Variants in PGPEP1L observed in about 807,000 individuals in gnomAD.
PGPEP1L encodes the protein pyroglutamyl-peptidase I like, also known as pyroglutamyl-peptidase 1-like protein.
A neutral mutation model predicts 6.0 loss-of-function variants in PGPEP1L; 7 were observed. The observed-to-expected ratio is 1.17, with a 90% CI of 0.66 to 2.19. The LOEUF (loss-of-function observed/expected upper bound fraction) is 2.19. PGPEP1L is among the 30% of genes most tolerant of loss of function. The probability of loss-of-function intolerance (pLI) is 0.00; values close to 1 mark genes in which losing one functional copy is unlikely to be tolerated. For synonymous variants in PGPEP1L, 103 were observed against 83.9 expected (o/e 1.23, Z -1.24); for missense variants, 209 against 192.5 (o/e 1.09, Z -0.51).
At position 98,968,680 on chromosome 15, in the gene PGPEP1L, G is replaced by A. The variant is rs1335221294; in HGVS notation, c.227C>T (p.Thr76Ile). ...TCCATGATGCAGAGACAGGTAATAGGTATAATCACAGACGTATCTGCAACC... is the reference window on the plus strand; with the variant it reads ...TCCATGATGCAGAGACAGGTAATAGATATAATCACAGACGTATCTGCAACC... Reference protein sequence around the residue: ...RDAGRYVCDYTYYLSLHHGKG... With the variant: ...RDAGRYVCDYIYYLSLHHGKG... Residue 76 changes from threonine to isoleucine, a missense_variant, in exon 5 of 5, where the codon ACC (threonine) becomes ATC (isoleucine). Transcript: ENST00000535714. The A allele has an allele frequency of 1.9e-6, 3 of 1,573,558 alleles. No homozygotes were observed. The highest frequency in any genetic ancestry group is 2.3e-5 in the South Asian group (2 of 85,668).
intron 1 of PGPEP1L, among the ~76,000 whole-genome samples, chr15:99,006,451 A>G (rs2018064197): frequency 6.6e-6 from 1 of 152,244 alleles, no homozygotes; most frequent in African/African-American, 2.4e-5. Context: ...ATAACTGAAA[A>G]AGGCTAACAT....
chr15:98,979,956 CCTCA>C (rs1567236908), intron 2 of PGPEP1L, among the ~76,000 whole-genome samples: 1 of 152,070 alleles, frequency 6.6e-6, no homozygotes, highest in Non-Finnish European at 1.5e-5. Flanking sequence ...CACCATATGT[CCTCA>C]CTCATAAGTG....
At chr15:99,006,197 C>CTG (rs1373512527) in intron 1 of PGPEP1L, among the ~76,000 whole-genome samples, 5 of 152,232 alleles carry the variant, frequency 3.3e-5, no homozygotes, top group Admixed American at 3.3e-4. Flanking sequence ...GCACCGGATC[C>CTG]TGTATGGATT....
At chr15:98,984,778 T>G (rs1258615088) in intron 2 of PGPEP1L, among the ~76,000 whole-genome samples, 1 of 151,646 alleles carries the variant, frequency 6.6e-6, no homozygotes, top group Non-Finnish European at 1.5e-5. Flanking sequence ...TCCTGCAGAT[T>G]GATAGTGAAG....
In PGPEP1L at chr15:98,968,334, C is replaced by T. The variant is rs955318267; in HGVS notation, c.*144G>A. On this transcript the variant is annotated 3_prime_UTR_variant, in exon 5 of 5. Coordinates refer to ENST00000535714, the MANE Select transcript of PGPEP1L (RefSeq NM_001167902.2). ...GTTCTTTCTCCTGACAATAAAATAA[C>T]CCTTTGTGATTTTGTTGGGCTAATT... 14 of 761,348 alleles carry T rather than the reference C, an allele frequency of 1.8e-5. No individual in the cohort carries two copies. The highest frequency in any genetic ancestry group is 3.0e-5 in the Non-Finnish European group (14 of 467,412). 47.2% of individuals were successfully genotyped at this position (761,348 alleles called of 1,614,324 possible).
At chr15:99,001,260 G>C (rs1052783231) in intron 2 of PGPEP1L, 3 of 300,630 alleles carry the variant, frequency 1.0e-5, no homozygotes, top group Admixed American at 8.6e-5. Flanking sequence ...ACTACCACGT[G>C]GCTCAACCTT....
chr15:98,976,610 C>T (rs2017573374), intron 2 of PGPEP1L, among the ~76,000 whole-genome samples: 1 of 152,160 alleles, frequency 6.6e-6, no homozygotes, highest in Non-Finnish European at 1.5e-5. Flanking sequence ...ATTGCAAAAA[C>T]CCAGATCAAA....
At chr15:98,987,459 A>T (rs1438345551) in intron 2 of PGPEP1L, among the ~76,000 whole-genome samples, 1 of 150,140 alleles carries the variant, frequency 6.7e-6, no homozygotes, top group African/African-American at 2.4e-5. Flanking sequence ...CCAGGACAGA[A>T]GTAAAGCCTG....
chr15:98,978,518 A>G (rs2017602080), intron 2 of PGPEP1L, among the ~76,000 whole-genome samples: 1 of 152,030 alleles, frequency 6.6e-6, no homozygotes, highest in African/African-American at 2.4e-5. Flanking sequence ...GAGGATGGAG[A>G]TGAGAAAAGG....
rs2593059 is a variant in PGPEP1L at position 99,007,786 on chromosome 15, A to G, written c.-797T>C. ...CACAGCACAGAAGGCGACTCCAGCA[A>G]GTTGCTACTGCTACCTGGGGCAGCC... is the stretch of plus-strand genomic sequence containing the variant. On this transcript the variant is annotated 5_prime_UTR_variant, in exon 1 of 5. Transcript: ENST00000535714. 129,170 of 152,038 alleles carry G rather than the reference A, an allele frequency of 0.85. 54,999 individuals are homozygous for G. Among genetic ancestry groups the G allele is most frequent in the East Asian group, 0.93 (4,844 of 5,182 alleles). The allele number at this position is 152,038 out of a possible 1,614,324, so 9.4% of individuals were successfully genotyped here.
intron 2 of PGPEP1L, among the ~76,000 whole-genome samples, chr15:98,999,059 A>G (rs2017924864): frequency 6.6e-6 from 1 of 152,224 alleles, no homozygotes; most frequent in South Asian, 2.1e-4. Flanking sequence ...TAGATTTGAA[A>G]CCAAAAGCAG....
chr15:99,007,058 T>C (rs372578420), intron 1 of PGPEP1L, among the ~76,000 whole-genome samples: 20 of 152,296 alleles, frequency 1.3e-4, no homozygotes, highest in Admixed American at 3.3e-4. Flanking sequence ...CCCCGCGGAT[T>C]AGACCCCCCT....
chr15:98,972,872 C>CA lies in PGPEP1L; in HGVS notation c.-141-1715dup, dbSNP rs58126997. On this transcript the variant is annotated intron_variant, in intron 2 of 4. Coordinates refer to ENST00000535714, the MANE Select transcript of PGPEP1L (RefSeq NM_001167902.2). The stretch of plus-strand genomic sequence containing the variant: ...TGGGTGACAGAGTGAGACTCCGTCT[C>CA]AAAAAAAAAAAAAAAAAAAAAAAAA... 8.4e-3 allele frequency among the ~76,000 whole-genome samples: 384 copies of CA among 45,688 alleles called. 61 individuals carry two copies. Among genetic ancestry groups the CA allele is most frequent in the Non-Finnish European group, 8.9e-3 (238 of 26,834 alleles). 30.0% of individuals were successfully genotyped at this position (45,688 alleles called of 152,430 possible).
At chr15:98,980,531 G>T (rs376420718) in intron 2 of PGPEP1L, among the ~76,000 whole-genome samples, 2 of 152,196 alleles carry the variant, frequency 1.3e-5, no homozygotes, top group African/African-American at 4.8e-5. Flanking sequence ...CCCAGTAACC[G>T]ATGTAACTCC....
At chr15:98,989,019 A>G (rs1191889372) in intron 2 of PGPEP1L, among the ~76,000 whole-genome samples, 1 of 152,186 alleles carries the variant, frequency 6.6e-6, no homozygotes. Context: ...ATCCATGAAG[A>G]TGGGGAGAAA....
intron 2 of PGPEP1L, among the ~76,000 whole-genome samples, chr15:98,981,163 G>A (rs1010878780): frequency 6.6e-6 from 1 of 151,950 alleles, no homozygotes; most frequent in Non-Finnish European, 1.5e-5. Flanking sequence ...ATCAATTCCT[G>A]GCCAGACTCT....
At chr15:99,002,578 A>C (rs113631149) in intron 2 of PGPEP1L, among the ~76,000 whole-genome samples, 2 of 152,206 alleles carry the variant, frequency 1.3e-5, no homozygotes, top group East Asian at 1.9e-4. Flanking sequence ...TAATATGTCA[A>C]TATCAGGAGA....
At chr15:98,985,005 T>C (rs1272851318) in intron 2 of PGPEP1L, among the ~76,000 whole-genome samples, 2 of 152,140 alleles carry the variant, frequency 1.3e-5, no homozygotes, top group Admixed American at 6.5e-5. Flanking sequence ...CTGCTGTTAC[T>C]GGGGCTTCTG....
At chr15:98,979,611 C>G (rs1296791582) in intron 2 of PGPEP1L, among the ~76,000 whole-genome samples, 1 of 145,042 alleles carries the variant, frequency 6.9e-6, no homozygotes, top group Admixed American at 6.9e-5. Flanking sequence ...TTATAGCAAC[C>G]TGGATGGGAT....
Sources: gnomAD v4.1 joint callset for allele counts (sites outside exome capture counted in the v4.1 genomes callset) on GRCh38, gnomAD v4.1.1 for gene constraint, MANE v1.5 for transcripts, NCBI Gene and HGNC (gene_info 2026-07-23, HGNC 2026-07-21) for gene names.